CTNND2: variants seen among roughly 807,000 people sequenced by gnomAD.
CTNND2 encodes catenin delta 2.
Under a neutral mutation model 144.4 loss-of-function variants are expected in CTNND2, and 22 were observed. That is an observed-to-expected ratio of 0.15 (90% CI 0.11 to 0.22). The LOEUF (loss-of-function observed/expected upper bound fraction) is 0.22, where lower values mean the gene tolerates loss of function less well. CTNND2 is among the 10% of genes least tolerant of loss of function. The pLI is 1.00. For missense variants in CTNND2, 1,353 were observed against 1,618.8 expected (o/e 0.84, Z 2.82); for synonymous variants, 751 against 695.6 (o/e 1.08, Z -1.25).
At chr5:11,025,568 T>C (rs1031630812) in intron 16 of CTNND2, among the ~76,000 whole-genome samples, 3 of 152,204 alleles carry the variant, frequency 2.0e-5, no homozygotes, top group Non-Finnish European at 4.4e-5. Flanking sequence ...GGATTTTTTC[T>C]TGTATGTCAA....
intron 9 of CTNND2, among the ~76,000 whole-genome samples, chr5:11,248,703 AACAAGAAC>A (rs147154492): frequency 6.6e-6 from 1 of 152,318 alleles, no homozygotes; most frequent in East Asian, 1.9e-4. Context: ...GCATTCTAAT[AACAAGAAC>A]ACCATCTCTT....
intron 6 of CTNND2, among the ~76,000 whole-genome samples, chr5:11,393,615 C>T (rs1049941855): frequency 6.6e-6 from 1 of 152,132 alleles, no homozygotes; most frequent in Admixed American, 6.5e-5. Context: ...TTCTAGCCCA[C>T]CCACAAACCA....
intron 2 of CTNND2, among the ~76,000 whole-genome samples, chr5:11,719,563 A>G (rs1449483218): frequency 3.3e-5 from 5 of 152,210 alleles, no homozygotes; most frequent in Non-Finnish European, 7.3e-5. Context: ...CAACAACAAC[A>G]AAACTATATT....
At chr5:11,463,163 C>T (rs1205972289) in intron 3 of CTNND2, among the ~76,000 whole-genome samples, 1 of 152,104 alleles carries the variant, frequency 6.6e-6, no homozygotes, top group Admixed American at 6.6e-5. Context: ...AAATAATAAG[C>T]CTACTTTTGG....
intron 2 of CTNND2, among the ~76,000 whole-genome samples, chr5:11,633,331 G>A (rs1781505923): frequency 6.6e-6 from 1 of 152,196 alleles, no homozygotes; most frequent in Non-Finnish European, 1.5e-5. Context: ...CAAGGAGGCA[G>A]TGGGATGAAA....
At chr5:11,156,006 A>G (rs1758184875) in intron 12 of CTNND2, among the ~76,000 whole-genome samples, 1 of 152,274 alleles carries the variant, frequency 6.6e-6, no homozygotes, top group East Asian at 1.9e-4. Context: ...TCAGTAGTCT[A>G]CGACCTGGAG....
chr5:10,985,109 AATAC>A (rs1360611709), intron 20 of CTNND2, among the ~76,000 whole-genome samples: 3 of 134,352 alleles, frequency 2.2e-5, no homozygotes, highest in Admixed American at 7.8e-5. Context: ...TAAATAAATA[AATAC>A]ATAAATAAAT....
intron 2 of CTNND2, among the ~76,000 whole-genome samples, chr5:11,608,641 A>T (rs1014414233): frequency 4.6e-5 from 7 of 152,084 alleles, no homozygotes; most frequent in Non-Finnish European, 8.8e-5. Context: ...TACTGCTGCC[A>T]ACTAGCCCAT....
At chr5:11,393,826 T>A (rs1269279040) in intron 6 of CTNND2, among the ~76,000 whole-genome samples, 1 of 152,158 alleles carries the variant, frequency 6.6e-6, no homozygotes, top group Non-Finnish European at 1.5e-5. Flanking sequence ...GTAATGTTTT[T>A]AACACATAAG....
In CTNND2 at chr5:10,988,393, G is replaced by A; in HGVS notation, c.3212-151C>T. On this transcript the variant is annotated intron_variant, in intron 19 of 21. Transcript: ENST00000304623. This position sits in a 1 kb window ranked among gnomAD's most constrained non-coding sequence, Gnocchi z 5.9. The stretch of plus-strand genomic sequence containing the variant: ...TTTTCTTTTTAATTTTTATTTTTTG[G>A]CAGTTTTGGCTCTTGTCCCTGCCCC... 2 of 906,928 alleles carry A rather than the reference G, an allele frequency of 2.2e-6. No homozygotes were observed. The highest frequency in any genetic ancestry group is 2.8e-5 in the East Asian group (1 of 36,350). 56.2% of individuals were successfully genotyped at this position (906,928 alleles called of 1,614,324 possible). A position where few individuals can be genotyped will look rare whatever the true frequency, so the allele number is the denominator to read the frequency against.
In CTNND2 at chr5:11,147,870, T is replaced by C. The variant is rs946260037; in HGVS notation, c.2159+11706A>G. Reference sequence around the variant, plus strand: ...GCTTCTAGGTATATACCCAAAATAATTGAAATGGGTATGTAAACAAATACA... The same window carrying C: ...GCTTCTAGGTATATACCCAAAATAACTGAAATGGGTATGTAAACAAATACA... On this transcript the variant is annotated intron_variant, in intron 12 of 21. Coordinates refer to ENST00000304623, the MANE Select transcript of CTNND2 (RefSeq NM_001332.4). 4.6e-5 allele frequency among the ~76,000 whole-genome samples: 7 copies of C among 152,248 alleles called. No homozygotes were observed. In the East Asian group the frequency reaches 1.3e-3, roughly 29 times the overall value.
chr5:11,293,785 G>GA (rs1417817879), intron 9 of CTNND2, among the ~76,000 whole-genome samples: 5 of 144,118 alleles, frequency 3.5e-5, no homozygotes, highest in African/African-American at 7.6e-5. Flanking sequence ...AAGACTCCAA[G>GA]AAATGTGCCC....
chr5:10,978,396 G>A (rs1736773009), intron 21 of CTNND2, among the ~76,000 whole-genome samples: 1 of 152,056 alleles, frequency 6.6e-6, no homozygotes, highest in Non-Finnish European at 1.5e-5. Context: ...TGAAGACAAG[G>A]TTTATTCCTA....
intron 5 of CTNND2, among the ~76,000 whole-genome samples, chr5:11,409,613 T>C (rs1761356028): frequency 6.6e-6 from 1 of 152,080 alleles, no homozygotes; most frequent in South Asian, 2.1e-4. Context: ...GAGTATGAGC[T>C]TAACACATCT....
At chr5:11,409,515 A>G (rs1394761932) in intron 5 of CTNND2, among the ~76,000 whole-genome samples, 1 of 152,032 alleles carries the variant, frequency 6.6e-6, no homozygotes, top group Admixed American at 6.5e-5. Flanking sequence ...TCACAATAAT[A>G]TTTTTCCTTA....
chr5:11,470,980 A>ATATATATATATATATTT (rs1219093645), intron 3 of CTNND2, among the ~76,000 whole-genome samples: 9 of 91,528 alleles, frequency 9.8e-5, no homozygotes, highest in East Asian at 2.8e-4. Flanking sequence ...ATATATATAT[A>ATATATATATATATATTT]TTTTTTTTTT....
At chr5:11,841,318 C>G (rs1455408883) in intron 1 of CTNND2, among the ~76,000 whole-genome samples, 1 of 148,568 alleles carries the variant, frequency 6.7e-6, no homozygotes, top group Non-Finnish European at 1.5e-5. Flanking sequence ...GAACAAGAAC[C>G]AAAAACACAA....
At chr5:11,556,915 A>G (rs1776278973) in intron 3 of CTNND2, among the ~76,000 whole-genome samples, 1 of 152,136 alleles carries the variant, frequency 6.6e-6, no homozygotes, top group South Asian at 2.1e-4. Flanking sequence ...GTTAAAGATG[A>G]TTGCTTTATT....
chr5:11,659,762 T>C (rs1783091810), intron 2 of CTNND2, among the ~76,000 whole-genome samples: 1 of 152,168 alleles, frequency 6.6e-6, no homozygotes, highest in Non-Finnish European at 1.5e-5. Flanking sequence ...TCAAGGACTC[T>C]CTTCAGTGGT....
Sources: gnomAD v4.1 joint callset for allele counts (sites outside exome capture counted in the v4.1 genomes callset) on GRCh38, gnomAD v4.1.1 for gene constraint, Gnocchi (gnomAD v3.1) non-coding constraint, MANE v1.5 for transcripts, NCBI Gene and HGNC (gene_info 2026-07-23, HGNC 2026-07-21) for gene names.